MBD5: variants seen among roughly 807,000 people sequenced by gnomAD.
MBD5 encodes methyl-CpG binding domain protein 5, also known as methyl-CpG-binding domain protein 5.
MBD5 carries 13 observed loss-of-function variants against 117.3 expected under a neutral mutation model. That is an observed-to-expected ratio of 0.11 (90% CI 0.07 to 0.18). The LOEUF (loss-of-function observed/expected upper bound fraction) is 0.18. Among genes scored for constraint, MBD5 ranks in the 10% least tolerant of loss-of-function variants. The pLI, the probability that MBD5 is intolerant of heterozygous loss-of-function variation, is 1.00. For missense variants in MBD5, 1,879 were observed against 2,093.8 expected, an observed-to-expected ratio of 0.90 and a Z score of 2.00; for synonymous variants, 727 against 766.4, an observed-to-expected ratio of 0.95 and a Z score of 0.85.
chr2:148,293,147 CAAAA>C (rs35179123), intron 3 of MBD5, among the ~76,000 whole-genome samples: 2 of 84,918 alleles, frequency 2.4e-5, no homozygotes, highest in African/African-American at 4.7e-5. Flanking sequence ...AACCTTGCCT[CAAAA>C]AAAAAAAAAA....
intron 1 of MBD5, among the ~76,000 whole-genome samples, chr2:148,170,917 G>C (rs567509695): frequency 6.6e-6 from 1 of 152,148 alleles, no homozygotes; most frequent in Non-Finnish European, 1.5e-5. Context: ...GACATATGCA[G>C]CCTATGAAGA....
intron 1 of MBD5, among the ~76,000 whole-genome samples, chr2:148,063,013 ATGAC>A: frequency 6.6e-6 from 1 of 152,178 alleles, no homozygotes; most frequent in East Asian, 1.9e-4. Flanking sequence ...CTTGAGATCT[ATGAC>A]CCAGTTTGTT....
chr2:148,358,503 T>G (rs961065572), intron 4 of MBD5, among the ~76,000 whole-genome samples: 1 of 151,844 alleles, frequency 6.6e-6, no homozygotes, highest in Admixed American at 6.6e-5. Context: ...CTGGGTGCAG[T>G]GGCTCACGCC....
At chr2:148,164,624 C>T (rs1025732625) in intron 1 of MBD5, among the ~76,000 whole-genome samples, 9 of 151,814 alleles carry the variant, frequency 5.9e-5, no homozygotes, top group African/African-American at 2.2e-4. Context: ...TTCTACAAGA[C>T]GTTTTTAGGA....
intron 4 of MBD5, among the ~76,000 whole-genome samples, chr2:148,355,206 T>C (rs1393046129): frequency 1.3e-5 from 2 of 152,100 alleles, no homozygotes; most frequent in African/African-American, 4.8e-5. Flanking sequence ...GCAAAAATTT[T>C]CTCCCATTCT....
chr2:148,452,717 C>A (rs1706765354), intron 4 of MBD5, among the ~76,000 whole-genome samples: 1 of 151,984 alleles, frequency 6.6e-6, no homozygotes, highest in South Asian at 2.1e-4. Context: ...CTATAAACCA[C>A]TTAGTAAATA....
At chr2:148,421,762 T>C (rs1705615194) in intron 4 of MBD5, among the ~76,000 whole-genome samples, 1 of 152,144 alleles carries the variant, frequency 6.6e-6, no homozygotes, top group Non-Finnish European at 1.5e-5. Context: ...GCATCCACCA[T>C]TGCTGAGGCT....
intron 4 of MBD5, among the ~76,000 whole-genome samples, chr2:148,411,178 A>G (rs189575406): frequency 9.2e-4 from 140 of 152,288 alleles, no homozygotes; most frequent in Middle Eastern, 3.4e-3. Flanking sequence ...TGTTGCTGCA[A>G]TGACATGCTC....
intron 1 of MBD5, among the ~76,000 whole-genome samples, chr2:148,085,258 T>G (rs1471390953): frequency 3.9e-5 from 6 of 152,224 alleles, no homozygotes; most frequent in African/African-American, 1.4e-4. Flanking sequence ...CTGGTAATTG[T>G]GGTTGATTGT....
At chr2:148,374,860 C>A (rs75061175) in intron 4 of MBD5, among the ~76,000 whole-genome samples, 27,603 of 152,136 alleles carry the variant, frequency 0.18, 2,709 homozygotes, top group African/African-American at 0.23. Context: ...TATGACTATA[C>A]TTATATTTTA....
chr2:148,447,174 AG>A (rs1559075548), intron 4 of MBD5, among the ~76,000 whole-genome samples: 48 of 125,158 alleles, frequency 3.8e-4, no homozygotes, highest in African/African-American at 1.5e-3. Context: ...GAAGAAAGGA[AG>A]AAGGAAAGAA....
chr2:148,199,942 A>C (rs1191786506), intron 2 of MBD5, among the ~76,000 whole-genome samples: 1 of 152,180 alleles, frequency 6.6e-6, no homozygotes, highest in African/African-American at 2.4e-5. Context: ...ATGCCATCCA[A>C]ATGAATGTTA....
chr2:148,327,528 G>A (rs1702492373), intron 3 of MBD5, among the ~76,000 whole-genome samples: 1 of 152,054 alleles, frequency 6.6e-6, no homozygotes, highest in African/African-American at 2.4e-5. Context: ...TTTCTTGGAG[G>A]CTTTGCTCGT....
chr2:148,056,327 G>A (rs1694863203), intron 1 of MBD5, among the ~76,000 whole-genome samples: 1 of 151,984 alleles, frequency 6.6e-6, no homozygotes, highest in South Asian at 2.1e-4. Flanking sequence ...CAAACCTTAT[G>A]CCTTTTATTT....
At chr2:148,078,122 CTCTTT>C (rs1173693062) in intron 1 of MBD5, among the ~76,000 whole-genome samples, 77 of 152,098 alleles carry the variant, frequency 5.1e-4, no homozygotes, top group Non-Finnish European at 8.5e-4. Context: ...GGGAAAACTC[CTCTTT>C]CAGATCTGTT....
chr2:148,147,660 C>A (rs1247290871), intron 1 of MBD5, among the ~76,000 whole-genome samples: 1 of 151,990 alleles, frequency 6.6e-6, no homozygotes, highest in Non-Finnish European at 1.5e-5. Flanking sequence ...AGTTATTTTT[C>A]CTTAAAACCT....
intron 1 of MBD5, among the ~76,000 whole-genome samples, chr2:148,169,777 C>CAT (rs1195900676): frequency 9.2e-5 from 14 of 152,084 alleles, no homozygotes; most frequent in African/African-American, 2.4e-4. Context: ...CTACTGAAGC[C>CAT]ATATTGTCTG....
chr2:148,475,295 CTA>C (rs112845018), intron 8 of MBD5, among the ~76,000 whole-genome samples: 1 of 152,062 alleles, frequency 6.6e-6, no homozygotes, highest in African/African-American at 2.4e-5. Flanking sequence ...GATTAAAAAT[CTA>C]TGTCTATTAT....
chr2:148,483,934 G>GCAACCACTACCA lies in MBD5; in HGVS notation c.3354_3365dup (p.Thr1119_Thr1122dup). On this transcript the variant is annotated inframe_insertion, in exon 9 of 14. Transcript: ENST00000642680. ...GGTTTCCATAGCAACCTCCTCCCAG[G>GCAACCACTACCA]CAACCACTACCACAACCACTACATC... The GCAACCACTACCA allele has an allele frequency of 6.4e-7, 1 of 1,550,482 alleles. No individual in the cohort carries two copies. The highest frequency in any genetic ancestry group is 8.7e-7 in the Non-Finnish European group (1 of 1,146,944).
Sources: gnomAD v4.1 joint callset for allele counts (sites outside exome capture counted in the v4.1 genomes callset) on GRCh38, gnomAD v4.1.1 for gene constraint, MANE v1.5 for transcripts, NCBI Gene and HGNC (gene_info 2026-07-23, HGNC 2026-07-21) for gene names.